The following TAFA5 variants were observed in gnomAD, a reference collection of about 807,000 sequenced individuals.
TAFA5 encodes chemokine-like protein TAFA-5.
A neutral mutation model predicts 15.3 loss-of-function variants in TAFA5; 6 were observed. The ratio of observed to expected loss-of-function variants is 0.39; its 90% CI spans 0.21 to 0.77. The LOEUF (loss-of-function observed/expected upper bound fraction) is 0.77, where lower values mean the gene tolerates loss of function less well. TAFA5 is among the 30% of genes least tolerant of loss of function. TAFA5 has a pLI of 0.41. For synonymous variants in TAFA5, 103 were observed against 80.7 expected (o/e 1.28, Z -1.48); for missense variants, 161 against 193.1 (o/e 0.83, Z 0.98).
At chr22:48,594,573 C>T (rs562519744) in intron 1 of TAFA5, among the ~76,000 whole-genome samples, 25 of 152,176 alleles carry the variant, frequency 1.6e-4, no homozygotes, top group Non-Finnish European at 1.0e-4. Context: ...AGAGCAGCCC[C>T]GGTGTGATGA....
chr22:48,564,640 C>T (rs1201149642), intron 1 of TAFA5, among the ~76,000 whole-genome samples: 1 of 152,194 alleles, frequency 6.6e-6, no homozygotes, highest in East Asian at 1.9e-4. Flanking sequence ...CTCTGCAGGC[C>T]TTAGTTGAGG....
rs779755335 is a variant in TAFA5, at chr22:48,749,948, T to C, written c.*101T>C. 352 of 1,160,440 alleles carry C rather than the reference T, an allele frequency of 3.0e-4. 3 individuals carry two copies. The highest frequency in any genetic ancestry group is 4.0e-4 in the Non-Finnish European group (317 of 801,012). The allele number at this position is 1,160,440 out of a possible 1,614,324, so 71.9% of individuals were successfully genotyped here. On this transcript the variant is annotated 3_prime_UTR_variant, in exon 4 of 4. Transcript: ENST00000402357. Reference sequence around the variant, plus strand: ...CTCGCCTCGGACTTCACCCGTTCTCTGCCGCCCGCCCACTCCGTTTCCCTG... The same window carrying C: ...CTCGCCTCGGACTTCACCCGTTCTCCGCCGCCCGCCCACTCCGTTTCCCTG...
intron 1 of TAFA5, among the ~76,000 whole-genome samples, chr22:48,578,273 G>C (rs560180044): frequency 1.3e-5 from 2 of 152,322 alleles, no homozygotes; most frequent in East Asian, 1.9e-4. Context: ...AGTTAGTAAC[G>C]GGAGAAGCTC....
intron 2 of TAFA5, among the ~76,000 whole-genome samples, chr22:48,670,523 A>G (rs1181201181): frequency 6.6e-6 from 1 of 152,140 alleles, no homozygotes; most frequent in Admixed American, 6.5e-5. Context: ...GCTCAGCCCC[A>G]CTCCCGGCCC....
intron 2 of TAFA5, among the ~76,000 whole-genome samples, chr22:48,699,075 G>A (rs1230894787): frequency 1.3e-5 from 2 of 151,840 alleles, no homozygotes; most frequent in African/African-American, 4.8e-5. Context: ...CTGAGTAGCT[G>A]GGATGTACCA....
chr22:48,579,716 A>G (rs569299609), intron 1 of TAFA5, among the ~76,000 whole-genome samples: 1 of 152,344 alleles, frequency 6.6e-6, no homozygotes, highest in Non-Finnish European at 1.5e-5. Context: ...TCCAGCACAG[A>G]TGAGCAGGCT....
intron 1 of TAFA5, among the ~76,000 whole-genome samples, chr22:48,539,988 G>A (rs1461709997): frequency 6.6e-6 from 1 of 152,146 alleles, no homozygotes; most frequent in Non-Finnish European, 1.5e-5. Context: ...GGGTCTGGCA[G>A]AGCCCATGTC....
rs192039005 is a variant in TAFA5 at position 48,559,989 on chromosome 22, G to A, written c.112+70285G>A. On this transcript the variant is annotated intron_variant, in intron 1 of 3. Transcript: ENST00000402357. ...CCAGAATGCAGGGGTCCAGACCCCCGTGGGTGTGAGGGTCTGGGCAGGAGT... is the reference window on the plus strand; with the variant it reads ...CCAGAATGCAGGGGTCCAGACCCCCATGGGTGTGAGGGTCTGGGCAGGAGT... Among the ~76,000 whole-genome samples, 145 of 152,110 alleles carry A rather than the reference G, an allele frequency of 9.5e-4. 1 individual carries two copies. The highest frequency in any genetic ancestry group is 4.9e-3 in the East Asian group (25 of 5,142).
At chr22:48,528,862 G>A (rs1012599431) in intron 1 of TAFA5, among the ~76,000 whole-genome samples, 1 of 152,174 alleles carries the variant, frequency 6.6e-6, no homozygotes, top group African/African-American at 2.4e-5. Flanking sequence ...TTTCCTTGGG[G>A]CCCAGAGGCC....
rs1029951725 is a variant in TAFA5, at chr22:48,490,564, A to C, written c.112+860A>C. Among the ~76,000 whole-genome samples, 4 of 151,638 alleles carry C rather than the reference A, an allele frequency of 2.6e-5. No homozygotes were observed. Among genetic ancestry groups the C allele is most frequent in the African/African-American group, 9.7e-5 (4 of 41,232 alleles). The stretch of plus-strand genomic sequence containing the variant: ...CTCGGCGCTGGGGAGGGTGCTCAGC[A>C]TCCCGGGGCACGTTCGCGGCTGGTG... On this transcript the variant is annotated intron_variant, in intron 1 of 3. Coordinates refer to ENST00000402357, the MANE Select transcript of TAFA5 (RefSeq NM_001082967.3). This position sits in a 1 kb window ranked among gnomAD's most constrained non-coding sequence, Gnocchi z 5.8.
At chr22:48,582,105 C>T (rs1416908085) in intron 1 of TAFA5, among the ~76,000 whole-genome samples, 1 of 152,064 alleles carries the variant, frequency 6.6e-6, no homozygotes, top group Admixed American at 6.5e-5. Flanking sequence ...GGCAGGCGGC[C>T]CTTTCCTCGT....
At chr22:48,654,792 G>C (rs1370328950) in intron 2 of TAFA5, among the ~76,000 whole-genome samples, 2 of 152,066 alleles carry the variant, frequency 1.3e-5, no homozygotes, top group African/African-American at 4.8e-5. Context: ...CCTTGATCCA[G>C]CACCCACTCT....
Position 48,646,745 on chromosome 22 carries a change from C to T in TAFA5, c.261C>T (p.Asp87=), listed in dbSNP as rs377613906. Residue 87 remains aspartate (D), a splice_region_variant and synonymous_variant, in exon 2 of 4, where the codon GAC becomes GAT. Coordinates refer to ENST00000402357, the MANE Select transcript of TAFA5 (RefSeq NM_001082967.3). ...CGAGAGCCCGGCCCGCCTGTGTGGACGGTAAGCACCCGTGGCCCCAGGACC... is the reference window on the plus strand; with the variant it reads ...CGAGAGCCCGGCCCGCCTGTGTGGATGGTAAGCACCCGTGGCCCCAGGACC... ...GTTRARPACV[D]ARIIKTKQWC... 298 of 1,574,002 alleles carry T rather than the reference C, an allele frequency of 1.9e-4. No homozygotes were observed. The highest frequency in any genetic ancestry group is 2.4e-4 in the Non-Finnish European group (279 of 1,164,504).
intron 2 of TAFA5, among the ~76,000 whole-genome samples, chr22:48,658,159 G>C (rs1927311337): frequency 6.7e-6 from 1 of 149,920 alleles, no homozygotes; most frequent in African/African-American, 2.5e-5. Flanking sequence ...CATGGGGTCT[G>C]CCTGATGCCA....
At chr22:48,522,078 C>T (rs550276013) in intron 1 of TAFA5, among the ~76,000 whole-genome samples, 28 of 152,362 alleles carry the variant, frequency 1.8e-4, no homozygotes, top group Admixed American at 3.3e-4. Flanking sequence ...CTGCAAGTAA[C>T]GGAACACGTG....
In TAFA5 at chr22:48,652,479, C is replaced by T. The variant is rs192594677; in HGVS notation, c.262+5733C>T. Among the ~76,000 whole-genome samples the T allele has an allele frequency of 2.2e-3, 330 of 152,322 alleles. 1 individual carries two copies. The highest frequency in any genetic ancestry group is 7.6e-3 in the African/African-American group (316 of 41,574). On this transcript the variant is annotated intron_variant, in intron 2 of 3. Coordinates refer to ENST00000402357, the MANE Select transcript of TAFA5 (RefSeq NM_001082967.3). ...TTTGACCACAGAGCTCACAGGAGAC[C>T]GCCTGCTGGCAGTTGGCTGTTCATG...
chr22:48,619,201 G>A (rs1184912118), intron 1 of TAFA5, among the ~76,000 whole-genome samples: 9 of 152,140 alleles, frequency 5.9e-5, no homozygotes, highest in Non-Finnish European at 7.3e-5. Flanking sequence ...GTCAGTGGCC[G>A]GGCTGTACAG....
Position 48,567,128 on chromosome 22 carries a change from G to A in TAFA5, c.112+77424G>A, listed in dbSNP as rs142077267. On this transcript the variant is annotated intron_variant, in intron 1 of 3. Transcript: ENST00000402357. ...TTTCGGGTGGGAACATCTTGAATTCGCTTTCATTTTCCTTAGGATAGTTGA... is the reference window on the plus strand; with the variant it reads ...TTTCGGGTGGGAACATCTTGAATTCACTTTCATTTTCCTTAGGATAGTTGA... 1.4e-3 allele frequency among the ~76,000 whole-genome samples: 215 copies of A among 152,310 alleles called. 2 individuals carry two copies. The highest frequency in any genetic ancestry group is 4.9e-3 in the African/African-American group (204 of 41,572).
At chr22:48,643,987 T>C (rs995598123) in intron 1 of TAFA5, among the ~76,000 whole-genome samples, 8 of 152,230 alleles carry the variant, frequency 5.3e-5, no homozygotes, top group Non-Finnish European at 1.0e-4. Context: ...CGTAAGAACG[T>C]GTGCTCGGGA....
Sources: allele counts gnomAD v4.1 joint callset (sites outside exome capture counted in the v4.1 genomes callset), GRCh38; gene constraint gnomAD v4.1.1; non-coding constraint Gnocchi (gnomAD v3.1); transcripts MANE v1.5; gene names NCBI Gene and HGNC (gene_info 2026-07-23, HGNC 2026-07-21).